P4HB: variants seen among roughly 807,000 people sequenced by gnomAD.
P4HB encodes protein disulfide-isomerase.
In P4HB, 20 loss-of-function variants were observed where a neutral mutation model predicts 52.6. That is an observed-to-expected ratio of 0.38 (90% CI 0.27 to 0.55). The LOEUF is 0.55. P4HB is among the 20% of genes least tolerant of loss of function. The pLI is 0.74. For synonymous variants in P4HB, 296 were observed against 277.9 expected, an observed-to-expected ratio of 1.07 and a Z score of -0.65; for missense variants, 601 against 669.2, an observed-to-expected ratio of 0.90 and a Z score of 1.12.
chr17:81,850,155 G>A lies in P4HB; in HGVS notation c.625-2808C>T, dbSNP rs900003245. Reference sequence around the variant, plus strand: ...AACTATTTTATTTTTTTTTTGAGACGGAGTTTCACTCTTGTTGCCCAGGCT... The same window carrying A: ...AACTATTTTATTTTTTTTTTGAGACAGAGTTTCACTCTTGTTGCCCAGGCT... On this transcript the variant is annotated intron_variant, in intron 4 of 10. Coordinates refer to ENST00000331483, the MANE Select transcript of P4HB (RefSeq NM_000918.4). Among the ~76,000 whole-genome samples, 18 of 149,886 alleles carry A rather than the reference G, an allele frequency of 1.2e-4. 1 individual carries two copies. The highest frequency in any genetic ancestry group is 8.1e-4 in the Admixed American group (12 of 14,906).
chr17:81,855,656 G>A lies in P4HB; in HGVS notation c.353-70C>T, dbSNP rs1598270478. The A allele has an allele frequency of 5.2e-6, 8 of 1,541,106 alleles. No individual in the cohort carries two copies. The highest frequency in any genetic ancestry group is 6.2e-6 in the Non-Finnish European group (7 of 1,135,766). The stretch of plus-strand genomic sequence containing the variant: ...CGCCTGCCCTGCCGCGCCTGCTCCC[G>A]TCTCTGCTCTCTGCCAGCCAGGCTG... On this transcript the variant is annotated intron_variant, in intron 2 of 10. Coordinates refer to ENST00000331483, the MANE Select transcript of P4HB (RefSeq NM_000918.4). This position sits in a 1 kb window ranked among gnomAD's most constrained non-coding sequence, Gnocchi z 4.3.
chr17:81,853,785 C>T (rs1282616277), intron 4 of P4HB, among the ~76,000 whole-genome samples: 1 of 152,160 alleles, frequency 6.6e-6, no homozygotes, highest in Non-Finnish European at 1.5e-5. Flanking sequence ...CAGGTCCCTC[C>T]TCTCCCGAGA....
At position 81,855,603 on chromosome 17, in the gene P4HB, G is replaced by T. The variant is rs776010553; in HGVS notation, c.353-17C>A. On this transcript the variant is annotated splice_polypyrimidine_tract_variant and intron_variant, in intron 2 of 10. Transcript: ENST00000331483. The surrounding 1 kb of genome is among the most constrained non-coding windows in gnomAD (Gnocchi z 4.3). ...CTCTGCCAGCTAACCCCAAACAAAT[G>T]TAGGTTCTACTCTCAAACAGGGAGT... 1 of 1,609,886 alleles carries T rather than the reference G, an allele frequency of 6.2e-7. No homozygotes were observed.
At position 81,860,420 on chromosome 17, in the gene P4HB, C is replaced by G. The variant is rs1248701072; in HGVS notation, c.52G>C (p.Asp18His). The G allele has an allele frequency of 2.1e-6, 3 of 1,428,956 alleles. No homozygotes were observed. The highest frequency in any genetic ancestry group is 2.8e-6 in the Non-Finnish European group (3 of 1,087,608). The allele number at this position is 1,428,956 out of a possible 1,614,324, so 88.5% of individuals were successfully genotyped here. A position where few individuals can be genotyped will look rare whatever the true frequency, so the allele number is the denominator to read the frequency against. ...ACGTGGTCCTCCTCCTCGGGGGCGT[C>G]GGCGCGCACCAGGGCGGCCACGGCC... is the stretch of plus-strand genomic sequence containing the variant. The part of the protein sequence containing the change: ...CLAVAALVRA[D>H]APEEEDHVLV... Residue 18 changes from aspartate (D) to histidine (H), a missense_variant, in exon 1 of 11, where the codon GAC (aspartate) becomes CAC (histidine). Coordinates refer to ENST00000331483, the MANE Select transcript of P4HB (RefSeq NM_000918.4).
At chr17:81,858,237 A>AATT (rs2038942967) in intron 2 of P4HB, among the ~76,000 whole-genome samples, 1 of 113,174 alleles carries the variant, frequency 8.8e-6, no homozygotes, top group African/African-American at 3.9e-5. Flanking sequence ...GCACCACTGC[A>AATT]CGACAGAGCG....
rs185549960 is a variant in P4HB at position 81,854,434 on chromosome 17, C to T, written c.624+708G>A. Among the ~76,000 whole-genome samples, 232 of 151,846 alleles carry T rather than the reference C, an allele frequency of 1.5e-3. 2 individuals are homozygous for T. Among genetic ancestry groups the T allele is most frequent in the African/African-American group, 5.3e-3 (221 of 41,374 alleles). On this transcript the variant is annotated intron_variant, in intron 4 of 10. Coordinates refer to ENST00000331483, the MANE Select transcript of P4HB (RefSeq NM_000918.4). ...GCACGCGCCTGTAGTTCCAGCTGCT[C>T]GGGAGGCTGAGGTTAGAGGATCACT... is the stretch of plus-strand genomic sequence containing the variant.
In P4HB at chr17:81,844,140, T is replaced by C. The variant is rs747877103; in HGVS notation, c.1447-48A>G. ...GGGCGGGCAGGTTGGCTGCAACAGC[T>C]GAGGCTGCCGGCCCCCAGCACCCCA... is the stretch of plus-strand genomic sequence containing the variant. On this transcript the variant is annotated intron_variant, in intron 10 of 10. Coordinates refer to ENST00000331483, the MANE Select transcript of P4HB (RefSeq NM_000918.4). 3 of 1,332,570 alleles carry C rather than the reference T, an allele frequency of 2.3e-6. No homozygotes were observed. The Admixed American group carries it at 5.0e-5, about 22-fold the overall frequency. 82.5% of individuals were successfully genotyped at this position (1,332,570 alleles called of 1,614,324 possible).
rs200571378 is a variant in P4HB, at chr17:81,843,656, A to G, written c.*356T>C. The G allele has an allele frequency of 5.1e-4, 231 of 457,176 alleles. 1 individual carries two copies. In the South Asian group the frequency reaches 6.3e-3, roughly 12 times the overall value. 28.3% of individuals were successfully genotyped at this position (457,176 alleles called of 1,614,324 possible). On this transcript the variant is annotated 3_prime_UTR_variant, in exon 11 of 11. Coordinates refer to ENST00000331483, the MANE Select transcript of P4HB (RefSeq NM_000918.4). The stretch of plus-strand genomic sequence containing the variant: ...CGAAAAATGTCTAAAAATCCCACAG[A>G]CGGAATTTTCAAAAAGAGGAGAAAC...
chr17:81,860,420 C>T lies in P4HB; in HGVS notation c.52G>A (p.Asp18Asn), dbSNP rs1248701072. 1.4e-6 allele frequency: 2 copies of T among 1,429,062 alleles called. No homozygotes were observed. The highest frequency in any genetic ancestry group is 3.5e-4 in the Middle Eastern group (2 of 5,644). 88.5% of individuals were successfully genotyped at this position (1,429,062 alleles called of 1,614,324 possible). A position where few individuals can be genotyped will look rare whatever the true frequency, so the allele number is the denominator to read the frequency against. Residue 18 changes from aspartate to asparagine, a missense_variant, in exon 1 of 11, where the codon GAC becomes AAC. Physicochemically the swap from Asp to Asn is conservative, Grantham distance 23. Coordinates refer to ENST00000331483, the MANE Select transcript of P4HB (RefSeq NM_000918.4). ...ACGTGGTCCTCCTCCTCGGGGGCGT[C>T]GGCGCGCACCAGGGCGGCCACGGCC... ...CLAVAALVRA[D>N]APEEEDHVLV...
rs200423004 is a variant in P4HB at position 81,843,936 on chromosome 17, G to A, written c.*76C>T. On this transcript the variant is annotated 3_prime_UTR_variant, in exon 11 of 11. Transcript: ENST00000331483. The stretch of plus-strand genomic sequence containing the variant: ...CGCCCTCCTTCAAGCGAGGCCGCAG[G>A]CTTCGGAGGCGTGCGCTGCTGCTGG... 60 of 1,085,452 alleles carry A rather than the reference G, an allele frequency of 5.5e-5. No individual in the cohort carries two copies. The African/African-American group carries it at 8.1e-4, about 15-fold the overall frequency. 67.2% of individuals were successfully genotyped at this position (1,085,452 alleles called of 1,614,324 possible).
In P4HB at chr17:81,843,869, G is replaced by A; in HGVS notation, c.*143C>T. On this transcript the variant is annotated 3_prime_UTR_variant, in exon 11 of 11. Transcript: ENST00000331483. ...CGGGGGTGAACGGACGGTGTGTAGG[G>A]GTGAGGTGTCACTTCAGAGAGGTTC... is the stretch of plus-strand genomic sequence containing the variant. 2 of 712,590 alleles carry A rather than the reference G, an allele frequency of 2.8e-6. No homozygotes were observed. Among genetic ancestry groups the A allele is most frequent in the Admixed American group, 2.0e-5 (1 of 51,032 alleles). 44.1% of individuals were successfully genotyped at this position (712,590 alleles called of 1,614,324 possible). A position where few individuals can be genotyped will look rare whatever the true frequency, so the allele number is the denominator to read the frequency against.
chr17:81,851,132 G>T (rs371313059), intron 4 of P4HB, among the ~76,000 whole-genome samples: 1 of 151,932 alleles, frequency 6.6e-6, no homozygotes, highest in Admixed American at 6.6e-5. Context: ...GGGTTTCACC[G>T]TGTTAGCCAG....
intron 9 of P4HB, 52 bp downstream of exon 9, chr17:81,845,509 A>G: frequency 1.3e-6 from 2 of 1,502,422 alleles, no homozygotes; most frequent in Non-Finnish European, 1.8e-6. Flanking sequence ...TGGCGTGGGG[A>G]CCACTGCTCT....
chr17:81,846,577 T>C lies in P4HB; in HGVS notation c.908A>G (p.Glu303Gly), dbSNP rs972106042. 6.2e-7 allele frequency: 1 copy of C among 1,614,012 alleles called. No individual in the cohort carries two copies. Among genetic ancestry groups the C allele is most frequent in the Non-Finnish European group, 8.5e-7 (1 of 1,180,014 alleles). ...SDHTDNQRIL[E>G]FFGLKKEECP... The stretch of plus-strand genomic sequence containing the variant: ...CTCTTCCTTCTTCAGGCCAAAGAAC[T>C]CGAGGATGCGCTGGTTGTCGGTGTG... The change falls in exon 7 of 11, where the codon GAG becomes GGG. Residue 303 changes from glutamate (E) to glycine (G), a missense_variant. Glu to Gly is a moderately conservative substitution (Grantham distance 98, BLOSUM62 -2). Transcript: ENST00000331483. The surrounding 1 kb of genome is among the most constrained non-coding windows in gnomAD (Gnocchi z 5.7).
At chr17:81,857,546 G>A (rs2038930782) in intron 2 of P4HB, among the ~76,000 whole-genome samples, 1 of 152,182 alleles carries the variant, frequency 6.6e-6, no homozygotes, top group Non-Finnish European at 1.5e-5. Flanking sequence ...TAGAGAGGTG[G>A]ACAGTAACTC....
chr17:81,848,442 C>T (rs931427141), intron 4 of P4HB, among the ~76,000 whole-genome samples: 21 of 152,084 alleles, frequency 1.4e-4, no homozygotes, highest in Middle Eastern at 6.8e-3. Flanking sequence ...GATTATTATT[C>T]TTTTAAAATA....
At position 81,850,801 on chromosome 17, in the gene P4HB, T is replaced by A. The variant is rs144114039; in HGVS notation, c.625-3454A>T. Reference sequence around the variant, plus strand: ...TCCAGCCAAAAAAATTTATTTTATTTTTACTTTTTGTAGAGACAGTCTTAC... The same window carrying A: ...TCCAGCCAAAAAAATTTATTTTATTATTACTTTTTGTAGAGACAGTCTTAC... On this transcript the variant is annotated intron_variant, in intron 4 of 10. Transcript: ENST00000331483. Among the ~76,000 whole-genome samples, 315 of 152,122 alleles carry A rather than the reference T, an allele frequency of 2.1e-3. 2 individuals carry two copies. The highest frequency in any genetic ancestry group is 7.2e-3 in the African/African-American group (299 of 41,494).
chr17:81,850,261 T>C lies in P4HB; in HGVS notation c.625-2914A>G, dbSNP rs568673052. ...AATTCTCCTGCCTCTGCCTCCCAAG[T>C]AGCTGGGATTACAGGTACGCGCCAC... On this transcript the variant is annotated intron_variant, in intron 4 of 10. Coordinates refer to ENST00000331483, the MANE Select transcript of P4HB (RefSeq NM_000918.4). Among the ~76,000 whole-genome samples the C allele has an allele frequency of 2.0e-5, 3 of 152,032 alleles. No individual in the cohort carries two copies. In the South Asian group the frequency reaches 6.2e-4, roughly 32 times the overall value.
At chr17:81,848,291 G>A (rs1416213227) in intron 4 of P4HB, among the ~76,000 whole-genome samples, 1 of 152,232 alleles carries the variant, frequency 6.6e-6, no homozygotes, top group African/African-American at 2.4e-5. Context: ...AGAGGCTGCT[G>A]GGCGCATGGT....
Sources: gnomAD v4.1 joint callset for allele counts (sites outside exome capture counted in the v4.1 genomes callset) on GRCh38, gnomAD v4.1.1 for gene constraint, Gnocchi (gnomAD v3.1) non-coding constraint, MANE v1.5 for transcripts, NCBI Gene and HGNC (gene_info 2026-07-23, HGNC 2026-07-21) for gene names.